Variants in KCNIP4 observed in about 807,000 individuals in gnomAD.
The protein encoded by KCNIP4 is potassium voltage-gated channel interacting protein 4.
In KCNIP4, 12 loss-of-function variants were observed where a neutral mutation model predicts 34.0. The ratio of observed to expected loss-of-function variants is 0.35; its 90% CI spans 0.23 to 0.57. KCNIP4 has a LOEUF of 0.57. Among genes scored for constraint, KCNIP4 ranks in the 20% least tolerant of loss-of-function variants. The pLI is 0.83. For synonymous variants in KCNIP4, 124 were observed against 102.2 expected, an observed-to-expected ratio of 1.21 and a Z score of -1.29; for missense variants, 238 against 311.7, an observed-to-expected ratio of 0.76 and a Z score of 1.78.
intron 3 of KCNIP4, among the ~76,000 whole-genome samples, chr4:20,848,896 G>T (rs1478835578): frequency 6.6e-6 from 1 of 152,128 alleles, no homozygotes; most frequent in Non-Finnish European, 1.5e-5. Flanking sequence ...TTTATTCTGT[G>T]ATTCACCTCC....
chr4:20,814,811 G>T (rs1329904952), intron 3 of KCNIP4, among the ~76,000 whole-genome samples: 2 of 152,124 alleles, frequency 1.3e-5, no homozygotes, highest in Non-Finnish European at 2.9e-5. Context: ...AGGACGACCT[G>T]GAGAAATTAT....
intron 1 of KCNIP4, among the ~76,000 whole-genome samples, chr4:21,177,603 G>A (rs7676256): frequency 6.6e-6 from 1 of 152,018 alleles, no homozygotes; most frequent in Non-Finnish European, 1.5e-5. Flanking sequence ...GCCGAGGCAG[G>A]CAGGTTACCT....
In KCNIP4 at chr4:21,102,636, T is replaced by C. The variant is rs551941733; in HGVS notation, c.62-219927A>G. ...TTTATTTTAATTGATATACAAAATA[T>C]TTCCATGTAATTAATTCTGTCTATA... On this transcript the variant is annotated intron_variant, in intron 1 of 8. Coordinates refer to ENST00000382152, the MANE Select transcript of KCNIP4 (RefSeq NM_025221.6). Among the ~76,000 whole-genome samples, 15 of 152,340 alleles carry C rather than the reference T, an allele frequency of 9.8e-5. No individual in the cohort carries two copies. The East Asian group carries it at 2.7e-3, about 27-fold the overall frequency.
rs114890299 is a variant in KCNIP4 at position 21,532,672 on chromosome 4, A to C, written c.61+415899T>G. On this transcript the variant is annotated intron_variant, in intron 1 of 8. Transcript: ENST00000382152. ...AGTATCTCTAAATCAGAGAAGGTTA[A>C]AATCAATCTGTATGTATGAACTTGC... 6.0e-3 allele frequency among the ~76,000 whole-genome samples: 915 copies of C among 152,270 alleles called. 12 individuals carry two copies. Among genetic ancestry groups the C allele is most frequent in the African/African-American group, 0.021 (876 of 41,560 alleles).
At chr4:20,892,488 A>G (rs1361457380) in intron 1 of KCNIP4, among the ~76,000 whole-genome samples, 1 of 151,928 alleles carries the variant, frequency 6.6e-6, no homozygotes, top group African/African-American at 2.4e-5. Context: ...TCTCTGGCTC[A>G]ATGTCTCTCT....
intron 1 of KCNIP4, among the ~76,000 whole-genome samples, chr4:21,141,251 G>A (rs1233947764): frequency 3.3e-5 from 5 of 152,070 alleles, no homozygotes; most frequent in Non-Finnish European, 5.9e-5. Flanking sequence ...TGATAGACTC[G>A]TTCAATGCAG....
intron 3 of KCNIP4, among the ~76,000 whole-genome samples, chr4:20,811,178 C>T (rs1715703862): frequency 6.6e-6 from 1 of 152,154 alleles, no homozygotes; most frequent in Admixed American, 6.5e-5. Flanking sequence ...TTAGAGGCTT[C>T]CCTGTCTCAT....
chr4:21,311,235 A>T (rs910735183), intron 1 of KCNIP4, among the ~76,000 whole-genome samples: 1 of 152,162 alleles, frequency 6.6e-6, no homozygotes, highest in Non-Finnish European at 1.5e-5. Context: ...ACCAAGTACT[A>T]TTATTATTCC....
intron 1 of KCNIP4, among the ~76,000 whole-genome samples, chr4:21,581,879 T>G (rs1381895851): frequency 6.6e-6 from 1 of 151,916 alleles, no homozygotes; most frequent in Non-Finnish European, 1.5e-5. Context: ...AAACTCCAGG[T>G]CATGATCCAT....
chr4:21,921,773 G>A (rs1474514942), intron 1 of KCNIP4, among the ~76,000 whole-genome samples: 1 of 152,004 alleles, frequency 6.6e-6, no homozygotes, highest in African/African-American at 2.4e-5. Flanking sequence ...CTCCTGCCTG[G>A]GATACCACCA....
At chr4:21,765,133 G>C (rs571369252) in intron 1 of KCNIP4, among the ~76,000 whole-genome samples, 2 of 149,056 alleles carry the variant, frequency 1.3e-5, no homozygotes, top group African/African-American at 2.5e-5. Flanking sequence ...ATGGCTTTTT[G>C]TCATTGTTTT....
intron 1 of KCNIP4, among the ~76,000 whole-genome samples, chr4:21,679,520 G>A (rs1223916466): frequency 6.6e-6 from 1 of 152,082 alleles, no homozygotes; most frequent in African/African-American, 2.4e-5. Context: ...CCCATGGCCA[G>A]TGAAACCCAC....
chr4:21,341,438 A>C (rs1716754881), intron 1 of KCNIP4, among the ~76,000 whole-genome samples: 1 of 152,162 alleles, frequency 6.6e-6, no homozygotes, highest in African/African-American at 2.4e-5. Context: ...TAATTGTGCA[A>C]ACATGTGGAT....
At chr4:20,871,916 G>A (rs1345607815) in intron 2 of KCNIP4, among the ~76,000 whole-genome samples, 1 of 152,100 alleles carries the variant, frequency 6.6e-6, no homozygotes, top group African/African-American at 2.4e-5. Context: ...TTGGAAGTGA[G>A]TTCAGAGAAC....
At chr4:20,735,119 C>CAAT (rs1560410650) in intron 5 of KCNIP4, among the ~76,000 whole-genome samples, 21 of 151,708 alleles carry the variant, frequency 1.4e-4, no homozygotes, top group African/African-American at 5.1e-4. Flanking sequence ...AATGAAAAAC[C>CAAT]GTTTGCTAAT....
chr4:21,232,394 CAGATAA>C (rs1758860005), intron 1 of KCNIP4, among the ~76,000 whole-genome samples: 3 of 151,954 alleles, frequency 2.0e-5, no homozygotes, highest in Non-Finnish European at 2.9e-5. Context: ...ATTGACTATA[CAGATAA>C]AAAGAAGGAA....
At chr4:21,903,386 T>C (rs1486820408) in intron 1 of KCNIP4, among the ~76,000 whole-genome samples, 2 of 152,134 alleles carry the variant, frequency 1.3e-5, no homozygotes, top group African/African-American at 4.8e-5. Context: ...GATGATATAA[T>C]ATTATTAACC....
chr4:21,919,468 A>G (rs2108993445), intron 1 of KCNIP4, among the ~76,000 whole-genome samples: 1 of 152,292 alleles, frequency 6.6e-6, no homozygotes, highest in South Asian at 2.1e-4. Flanking sequence ...AAGCTTTAAT[A>G]AGGATGTGAG....
intron 1 of KCNIP4, among the ~76,000 whole-genome samples, chr4:21,350,812 C>T (rs1411970182): frequency 1.3e-5 from 2 of 152,134 alleles, no homozygotes; most frequent in African/African-American, 2.4e-5. Flanking sequence ...ATGCTCACTT[C>T]CCACTTACCT....
Sources: gnomAD v4.1 joint callset for allele counts (sites outside exome capture counted in the v4.1 genomes callset) on GRCh38, gnomAD v4.1.1 for gene constraint, MANE v1.5 for transcripts, NCBI Gene and HGNC (gene_info 2026-07-23, HGNC 2026-07-21) for gene names.